Variants in OPRM1 observed in about 807,000 individuals in gnomAD.
OPRM1 encodes the protein mu-type opioid receptor.
A neutral mutation model predicts 31.8 loss-of-function variants in OPRM1; 27 were observed. That is an observed-to-expected ratio of 0.85 (90% CI 0.63 to 1.17). The LOEUF is 1.17. Among genes scored for constraint, OPRM1 ranks in the 50% most tolerant of loss-of-function variants. The pLI is 0.00. For synonymous variants in OPRM1, 196 were observed against 189.9 expected, an observed-to-expected ratio of 1.03 and a Z score of -0.26; for missense variants, 536 against 511.1, an observed-to-expected ratio of 1.05 and a Z score of -0.47.
chr6:154,036,659 T>G (rs970247328), upstream of OPRM1, among the ~76,000 whole-genome samples: 3 of 151,958 alleles, frequency 2.0e-5, no homozygotes, highest in African/African-American at 7.2e-5. Context: ...GGACAAAACG[T>G]CTTCATTAAG....
At chr6:154,171,614 T>C (rs954841264) in intron 3 of OPRM1, among the ~76,000 whole-genome samples, 1 of 152,224 alleles carries the variant, frequency 6.6e-6, no homozygotes, top group African/African-American at 2.4e-5. Flanking sequence ...GTGTGAATGT[T>C]ATGGTATGTG....
chr6:154,071,820 A>G (rs1271678051), intron 1 of OPRM1, among the ~76,000 whole-genome samples: 1 of 152,206 alleles, frequency 6.6e-6, no homozygotes, highest in Non-Finnish European at 1.5e-5. Flanking sequence ...TTAACCAGGA[A>G]AGGGAGATGC....
chr6:154,131,970 G>A lies in OPRM1; in HGVS notation c.*13249G>A, dbSNP rs1260553848. ...TTTTTTTTTTTTTCTCTTCATTAGT[G>A]TGTTAGTTCCATCATCATGTCTGTT... On this transcript the variant is annotated 3_prime_UTR_variant, in exon 4 of 4. Coordinates refer to ENST00000330432, the MANE Select transcript of OPRM1 (RefSeq NM_000914.5). Among the ~76,000 whole-genome samples the A allele has an allele frequency of 1.4e-5, 2 of 139,824 alleles. No homozygotes were observed. Among genetic ancestry groups the A allele is most frequent in the African/African-American group, 2.7e-5 (1 of 37,734 alleles). 91.7% of individuals were successfully genotyped at this position (139,824 alleles called of 152,430 possible). A position where few individuals can be genotyped will look rare whatever the true frequency, so the allele number is the denominator to read the frequency against.
At chr6:154,103,122 C>T (rs188798109) in intron 3 of OPRM1, among the ~76,000 whole-genome samples, 114 of 151,932 alleles carry the variant, frequency 7.5e-4, no homozygotes, top group African/African-American at 2.5e-3. Flanking sequence ...AATCTCATGG[C>T]GATATTAAAA....
chr6:154,236,257 C>T (rs1371096905), intron 3 of OPRM1, among the ~76,000 whole-genome samples: 1 of 152,154 alleles, frequency 6.6e-6, no homozygotes, highest in Non-Finnish European at 1.5e-5. Flanking sequence ...ATGGATGAAC[C>T]TTGAAGACAT....
chr6:154,110,601 C>T, intron 3 of OPRM1: 1 of 543,262 alleles, frequency 1.8e-6, no homozygotes, highest in Non-Finnish European at 3.3e-6. Flanking sequence ...AGAATTAGGA[C>T]TCATTGGCCG....
chr6:154,167,135 A>C (rs1172665110), intron 3 of OPRM1, among the ~76,000 whole-genome samples: 3 of 152,228 alleles, frequency 2.0e-5, no homozygotes, highest in African/African-American at 2.4e-5. Flanking sequence ...CAGACAAAAC[A>C]AAATTCACTT....
Position 154,089,817 on chromosome 6 carries a change from A to G in OPRM1, c.291-9A>G, listed in dbSNP as rs1791609692. On this transcript the variant is annotated splice_polypyrimidine_tract_variant and intron_variant, in intron 1 of 3. Transcript: ENST00000330432. ...TACTGATTCTCACTCTTCTTCCTTT[A>G]TCTCCTAGATACACCAAGATGAAGA... is the stretch of plus-strand genomic sequence containing the variant. 3.1e-6 allele frequency: 5 copies of G among 1,588,340 alleles called. No homozygotes were observed. Among genetic ancestry groups the G allele is most frequent in the Admixed American group, 1.7e-5 (1 of 59,062 alleles).
At chr6:154,234,220 C>A (rs149160386) in intron 3 of OPRM1, among the ~76,000 whole-genome samples, 1 of 152,084 alleles carries the variant, frequency 6.6e-6, no homozygotes, top group Non-Finnish European at 1.5e-5. Flanking sequence ...CATAAATAAA[C>A]AAATCAATAT....
chr6:154,165,821 G>C (rs1799382545), intron 3 of OPRM1, among the ~76,000 whole-genome samples: 1 of 152,348 alleles, frequency 6.6e-6, no homozygotes, highest in Non-Finnish European at 1.5e-5. Flanking sequence ...TGTGTTGCTT[G>C]CTCTGAAAGA....
intron 1 of OPRM1, among the ~76,000 whole-genome samples, chr6:154,025,084 G>A (rs565101020): frequency 4.6e-5 from 7 of 152,122 alleles, no homozygotes; most frequent in African/African-American, 1.7e-4. Context: ...TTGATTTTCT[G>A]TCTGGAAGAT....
intron 3 of OPRM1, among the ~76,000 whole-genome samples, chr6:154,099,003 G>A (rs1460868217): frequency 2.0e-5 from 3 of 152,114 alleles, no homozygotes; most frequent in African/African-American, 7.2e-5. Context: ...AGCCAGACCA[G>A]GTGCAGTGGC....
chr6:154,163,560 C>T (rs1244968683), intron 3 of OPRM1, among the ~76,000 whole-genome samples: 3 of 152,128 alleles, frequency 2.0e-5, no homozygotes, highest in African/African-American at 2.4e-5. Flanking sequence ...CATAAGCTTC[C>T]GGAAGGCAGG....
At chr6:154,153,987 TTACTA>T (rs1367463713) in intron 3 of OPRM1, among the ~76,000 whole-genome samples, 19 of 152,340 alleles carry the variant, frequency 1.2e-4, no homozygotes, top group African/African-American at 4.6e-4. Context: ...CCTATACCTT[TTACTA>T]ATACCTTTGG....
At chr6:154,151,545 G>A (rs1451874259) in intron 3 of OPRM1, among the ~76,000 whole-genome samples, 3 of 152,174 alleles carry the variant, frequency 2.0e-5, no homozygotes, top group Non-Finnish European at 4.4e-5. Context: ...TTCTGGAAAA[G>A]GAGCACGGTA....
intron 1 of OPRM1, 91 bp from the exon 2 acceptor site, chr6:154,089,735 A>G: frequency 1.1e-6 from 1 of 878,504 alleles, no homozygotes; most frequent in East Asian, 2.5e-5. Context: ...AAAGCTTTCT[A>G]CTAATTCATG....
intron 1 of OPRM1, among the ~76,000 whole-genome samples, chr6:154,072,894 G>A (rs551458150): frequency 3.3e-5 from 5 of 152,164 alleles, no homozygotes; most frequent in Admixed American, 1.3e-4. Context: ...CTCTGCACAC[G>A]GATACCAGCC....
At chr6:154,239,251 A>G (rs575912037) in intron 3 of OPRM1, among the ~76,000 whole-genome samples, 19 of 152,354 alleles carry the variant, frequency 1.2e-4, no homozygotes, top group African/African-American at 4.6e-4. Context: ...AGTTATTGAG[A>G]ACTGCCCATC....
At chr6:154,054,830 T>C (rs1782920126) in intron 1 of OPRM1, among the ~76,000 whole-genome samples, 1 of 152,214 alleles carries the variant, frequency 6.6e-6, no homozygotes, top group African/African-American at 2.4e-5. Flanking sequence ...TGCATGCCTG[T>C]ATCAAAACAT....
Sources: gnomAD v4.1 joint callset for allele counts (sites outside exome capture counted in the v4.1 genomes callset) on GRCh38, gnomAD v4.1.1 for gene constraint, MANE v1.5 for transcripts, NCBI Gene and HGNC (gene_info 2026-07-23, HGNC 2026-07-21) for gene names.